The following MYO7A variants were observed in gnomAD, a reference collection of about 807,000 sequenced individuals.
MYO7A encodes unconventional myosin-VIIa.
A neutral mutation model predicts 263.8 loss-of-function variants in MYO7A; 210 were observed. The observed-to-expected ratio is 0.80, with a 90% CI of 0.71 to 0.89. The LOEUF is 0.89. Ranked by LOEUF, MYO7A falls within the 40% of genes least tolerant of loss-of-function variation. The probability of loss-of-function intolerance (pLI) is 0.00; values close to 1 mark genes in which losing one functional copy is unlikely to be tolerated. For missense variants in MYO7A, 2,820 were observed against 2,968.3 expected (o/e 0.95, Z 1.16); for synonymous variants, 1,239 against 1,197.3 (o/e 1.03, Z -0.72).
chr11:77,169,000 G>A (rs1795159849), intron 15 of MYO7A, among the ~76,000 whole-genome samples: 1 of 152,186 alleles, frequency 6.6e-6, no homozygotes. Flanking sequence ...AATTTACTGT[G>A]CTGTCTCCAT....
intron 1 of MYO7A, among the ~76,000 whole-genome samples, chr11:77,129,520 G>C (rs7104633): frequency 0.16 from 23,835 of 152,124 alleles, 2,968 homozygotes; most frequent in African/African-American, 0.34. Flanking sequence ...CCTTCCTGAG[G>C]CCGTCTCTGG....
rs1109162 is a variant in MYO7A at position 77,180,615 on chromosome 11, A to G, written c.2694+134A>G. 0.55 allele frequency: 393,973 copies of G among 710,780 alleles called. 112,599 individuals carry two copies. Among genetic ancestry groups the G allele is most frequent in the African/African-American group, 0.71 (39,741 of 56,354 alleles). The allele number at this position is 710,780 out of a possible 1,614,324, so 44.0% of individuals were successfully genotyped here. Reference sequence around the variant, plus strand: ...CAGAATGGCCACACTAGACCCACTCAGCCAGCATTGCCTGAGCTCTCGCTG... The same window carrying G: ...CAGAATGGCCACACTAGACCCACTCGGCCAGCATTGCCTGAGCTCTCGCTG... On this transcript the variant is annotated intron_variant, in intron 22 of 48. Coordinates refer to ENST00000409709, the MANE Select transcript of MYO7A (RefSeq NM_000260.4).
In MYO7A at chr11:77,210,669, T is replaced by C. The variant is rs115650971; in HGVS notation, c.6052-483T>C. On this transcript the variant is annotated intron_variant, in intron 44 of 48. Coordinates refer to ENST00000409709, the MANE Select transcript of MYO7A (RefSeq NM_000260.4). ...CTCTGGGCCCATTCCCCAGCCTAAG[T>C]TCCTCTGGTTTTGGGTCTGGAAGTT... Among the ~76,000 whole-genome samples, 1,001 of 152,280 alleles carry C rather than the reference T, an allele frequency of 6.6e-3. 9 individuals are homozygous for C. Among genetic ancestry groups the C allele is most frequent in the African/African-American group, 0.023 (959 of 41,554 alleles).
At chr11:77,181,242 G>A (rs1955154968) in intron 22 of MYO7A, 138 bp from the exon 23 acceptor site, 1 of 732,736 alleles carries the variant, frequency 1.4e-6, no homozygotes, top group Admixed American at 2.9e-5. Context: ...GGAAGTCAGA[G>A]GCTCCATTCT....
chr11:77,163,024 C>T (rs782672319), intron 14 of MYO7A, 36 bp downstream of exon 14: 3 of 1,608,664 alleles, frequency 1.9e-6, no homozygotes, highest in Non-Finnish European at 2.6e-6. Context: ...CACTCCCTGC[C>T]CGTGGCCCTG....
chr11:77,159,093 GC>G (rs1952748816), intron 9 of MYO7A, among the ~76,000 whole-genome samples: 2 of 152,204 alleles, frequency 1.3e-5, no homozygotes, highest in African/African-American at 4.8e-5. Context: ...TGAGAACAGA[GC>G]ACATGTCGGG....
chr11:77,189,539 C>T (rs1351123261), intron 28 of MYO7A, 69 bp downstream of exon 28: 3 of 1,589,270 alleles, frequency 1.9e-6, no homozygotes, highest in African/African-American at 2.7e-5. Context: ...GTGGGGAGAG[C>T]AATAGCCAGG....
chr11:77,157,829 G>C (rs1555064984), intron 8 of MYO7A, among the ~76,000 whole-genome samples: 2 of 152,250 alleles, frequency 1.3e-5, no homozygotes, highest in African/African-American at 2.4e-5. Context: ...TAGACACACA[G>C]AGAATGGGGT....
chr11:77,148,043 C>T, intron 4 of MYO7A, 93 bp downstream of exon 4: 1 of 1,170,756 alleles, frequency 8.5e-7, no homozygotes, highest in Non-Finnish European at 1.1e-6. Context: ...TCCGGCCCCG[C>T]CCTGCCGGGG....
At chr11:77,153,830 C>T (rs556858659) in intron 4 of MYO7A, among the ~76,000 whole-genome samples, 19 of 152,348 alleles carry the variant, frequency 1.2e-4, no homozygotes, top group Middle Eastern at 3.4e-3. Flanking sequence ...AATCTAGGGG[C>T]CTCCGTCAGG....
At chr11:77,159,403 G>GA in intron 9 of MYO7A, 44 bp from the exon 10 acceptor site, 7 of 711,716 alleles carry the variant, frequency 9.8e-6, no homozygotes, top group South Asian at 2.9e-5. Context: ...TGCCCCTGTT[G>GA]CCCACCCTCC....
intron 44 of MYO7A, 105 bp from the exon 45 acceptor site, chr11:77,211,047 C>G (rs558495192): frequency 1.1e-5 from 12 of 1,072,556 alleles, no homozygotes; most frequent in Admixed American, 7.7e-5. Flanking sequence ...GGCCCATGTG[C>G]GGGGTAAGGT....
intron 25 of MYO7A, 46 bp from the exon 26 acceptor site, chr11:77,183,022 T>G (rs782101783): frequency 6.6e-7 from 1 of 1,505,550 alleles, no homozygotes; most frequent in South Asian, 1.2e-5. Context: ...GTCTCGACAT[T>G]GCTTTCTGCT....
chr11:77,194,133 CAGG>C (rs971502282), intron 31 of MYO7A: 6 of 698,856 alleles, frequency 8.6e-6, no homozygotes, highest in Non-Finnish European at 1.6e-5. Context: ...CAGAGGGATC[CAGG>C]AGAAGGTGAG....
intron 32 of MYO7A, among the ~76,000 whole-genome samples, chr11:77,196,411 G>T (rs920343156): frequency 1.3e-5 from 2 of 151,544 alleles, no homozygotes; most frequent in African/African-American, 4.9e-5. Context: ...GTTACATTCT[G>T]AGTTGCTGGG....
At chr11:77,188,377 G>C (rs528175872) in intron 27 of MYO7A, among the ~76,000 whole-genome samples, 3 of 152,180 alleles carry the variant, frequency 2.0e-5, no homozygotes, top group Non-Finnish European at 4.4e-5. Flanking sequence ...TAGTGGGCAG[G>C]TTGTGTGTGT....
chr11:77,156,168 T>A, intron 5 of MYO7A, 77 bp downstream of exon 5: 1 of 1,499,830 alleles, frequency 6.7e-7, no homozygotes, highest in South Asian at 1.2e-5. Context: ...CTGATACCTC[T>A]AGGAATTGCC....
chr11:77,198,669 G>A lies in MYO7A; in HGVS notation c.4568+48G>A, dbSNP rs778303534. ...GCAGACAGACAGAGGGGAAGGAGAGGGGCTGGAGCTTCCCTGCGGGTCACA... is the reference window on the plus strand; with the variant it reads ...GCAGACAGACAGAGGGGAAGGAGAGAGGCTGGAGCTTCCCTGCGGGTCACA... On this transcript the variant is annotated intron_variant, in intron 34 of 48. Coordinates refer to ENST00000409709, the MANE Select transcript of MYO7A (RefSeq NM_000260.4). 4 of 1,609,988 alleles carry A rather than the reference G, an allele frequency of 2.5e-6. No homozygotes were observed. In the African/African-American group the frequency reaches 4.0e-5, roughly 16 times the overall value.
At chr11:77,195,928 G>T (rs1254741851) in intron 32 of MYO7A, among the ~76,000 whole-genome samples, 1 of 152,242 alleles carries the variant, frequency 6.6e-6, no homozygotes, top group Non-Finnish European at 1.5e-5. Flanking sequence ...TCTCCTCTCG[G>T]CCTGCAGATG....
Sources: allele counts gnomAD v4.1 joint callset (sites outside exome capture counted in the v4.1 genomes callset), GRCh38; gene constraint gnomAD v4.1.1; transcripts MANE v1.5; gene names NCBI Gene and HGNC (gene_info 2026-07-23, HGNC 2026-07-21).